PLCB1: variants seen among roughly 807,000 people sequenced by gnomAD.
The protein encoded by PLCB1 is phospholipase C beta 1.
A neutral mutation model predicts 161.8 loss-of-function variants in PLCB1; 46 were observed. The observed-to-expected ratio is 0.28, with a 90% confidence interval of 0.22 to 0.36. The LOEUF (loss-of-function observed/expected upper bound fraction) is 0.36. Among genes scored for constraint, PLCB1 ranks in the 10% least tolerant of loss-of-function variants. The pLI is 1.00. For missense variants in PLCB1, 1,016 were observed against 1,472.5 expected (o/e 0.69, Z 5.07); for synonymous variants, 517 against 503.7 (o/e 1.03, Z -0.35).
intron 1 of PLCB1, among the ~76,000 whole-genome samples, chr20:8,140,797 ATTT>A (rs2051394805): frequency 1.3e-5 from 2 of 151,790 alleles, no homozygotes; most frequent in Non-Finnish European, 2.9e-5. Flanking sequence ...AAAACTTTTT[ATTT>A]TTTTATTTTT....
intron 2 of PLCB1, among the ~76,000 whole-genome samples, chr20:8,211,156 G>T (rs1189606669): frequency 6.6e-6 from 1 of 152,054 alleles, no homozygotes; most frequent in Non-Finnish European, 1.5e-5. Flanking sequence ...CCCTTTGTTT[G>T]GTGCCCCAGA....
rs1555808428 is a variant in PLCB1, at chr20:8,457,714, G to GCGCA, written c.246+86265_246+86266insGCAC. ...CTACTTATACCCCTAATGTGTGCGC[G>GCGCA]CACACACACACACACACACACACAC... On this transcript the variant is annotated intron_variant, in intron 3 of 31. Transcript: ENST00000338037. 2.3e-3 allele frequency among the ~76,000 whole-genome samples: 333 copies of GCGCA among 145,850 alleles called. 3 individuals carry two copies. Among genetic ancestry groups the GCGCA allele is most frequent in the Middle Eastern group, 0.018 (5 of 284 alleles).
chr20:8,197,470 G>A (rs1282540748), intron 2 of PLCB1, among the ~76,000 whole-genome samples: 2 of 152,130 alleles, frequency 1.3e-5, no homozygotes, highest in Admixed American at 6.5e-5. Flanking sequence ...CTTTTGAGAG[G>A]TGTCTGTTCA....
intron 9 of PLCB1, among the ~76,000 whole-genome samples, chr20:8,663,961 A>C (rs1989748419): frequency 1.3e-5 from 2 of 152,158 alleles, no homozygotes; most frequent in Non-Finnish European, 2.9e-5. Context: ...TTAGCATGAA[A>C]AATAGAATAG....
intron 1 of PLCB1, among the ~76,000 whole-genome samples, chr20:8,143,826 G>A (rs8124468): frequency 0.19 from 28,273 of 152,144 alleles, 2,737 homozygotes; most frequent in African/African-American, 0.23. Flanking sequence ...GATTTTAGAC[G>A]TATAAAGTCA....
chr20:8,336,012 G>T (rs1237965104), intron 2 of PLCB1, among the ~76,000 whole-genome samples: 17 of 152,200 alleles, frequency 1.1e-4, no homozygotes, highest in African/African-American at 4.1e-4. Context: ...GGCTGGTAGA[G>T]CAGCAGGATC....
At chr20:8,570,208 C>T (rs551115433) in intron 3 of PLCB1, among the ~76,000 whole-genome samples, 63 of 152,282 alleles carry the variant, frequency 4.1e-4, no homozygotes, top group Non-Finnish European at 6.8e-4. Flanking sequence ...ATCTTACTAT[C>T]AGCTACAAGC....
chr20:8,616,648 T>C (rs1988047416), intron 3 of PLCB1, among the ~76,000 whole-genome samples: 1 of 152,138 alleles, frequency 6.6e-6, no homozygotes, highest in Non-Finnish European at 1.5e-5. Flanking sequence ...TAAATATTTG[T>C]TTACTGGATG....
intron 3 of PLCB1, among the ~76,000 whole-genome samples, chr20:8,515,791 G>T (rs1272115381): frequency 2.0e-5 from 3 of 152,176 alleles, no homozygotes; most frequent in Non-Finnish European, 2.9e-5. Flanking sequence ...GGGACAGCTG[G>T]GAGTGCTTAT....
chr20:8,489,524 G>T (rs1982861559), intron 3 of PLCB1, among the ~76,000 whole-genome samples: 1 of 152,080 alleles, frequency 6.6e-6, no homozygotes. Flanking sequence ...GCCTTCTTCT[G>T]ATAAATTCTT....
At chr20:8,367,619 A>G (rs1473663772) in intron 2 of PLCB1, among the ~76,000 whole-genome samples, 1 of 152,010 alleles carries the variant, frequency 6.6e-6, no homozygotes, top group Non-Finnish European at 1.5e-5. Flanking sequence ...TGCAATATAC[A>G]CTCTGTAGTC....
intron 3 of PLCB1, among the ~76,000 whole-genome samples, chr20:8,560,935 G>A (rs1986121245): frequency 6.6e-6 from 1 of 151,944 alleles, no homozygotes; most frequent in Admixed American, 6.6e-5. Context: ...AAGATAACAA[G>A]AATAAACTTG....
intron 2 of PLCB1, among the ~76,000 whole-genome samples, chr20:8,195,602 A>T (rs2052014026): frequency 6.6e-6 from 1 of 152,052 alleles, no homozygotes; most frequent in South Asian, 2.1e-4. Flanking sequence ...TAAACGAGAG[A>T]CCTAATTCAA....
chr20:8,350,129 G>C (rs1180834552), intron 2 of PLCB1, among the ~76,000 whole-genome samples: 1 of 152,166 alleles, frequency 6.6e-6, no homozygotes, highest in Non-Finnish European at 1.5e-5. Flanking sequence ...GGATGTGCAG[G>C]TTTGTTACAC....
intron 31 of PLCB1, among the ~76,000 whole-genome samples, 153 bp downstream of exon 31, chr20:8,790,414 T>C (rs1342895750): frequency 6.6e-6 from 1 of 152,160 alleles, no homozygotes; most frequent in African/African-American, 2.4e-5. Flanking sequence ...AAGGAAAAAA[T>C]ATAGCAATAT....
chr20:8,369,866 G>A (rs543237555), intron 2 of PLCB1, among the ~76,000 whole-genome samples: 124 of 152,324 alleles, frequency 8.1e-4, no homozygotes, highest in African/African-American at 2.8e-3. Context: ...GTTTGCATTC[G>A]AGGAGTGAGA....
At chr20:8,635,548 T>C (rs13040989) in intron 4 of PLCB1, among the ~76,000 whole-genome samples, 34,458 of 152,078 alleles carry the variant, frequency 0.23, 4,266 homozygotes, top group Non-Finnish European at 0.28. Flanking sequence ...GCTTCCATTT[T>C]CCTAATCTTT....
At chr20:8,808,312 G>T (rs192033218) in intron 31 of PLCB1, among the ~76,000 whole-genome samples, 4 of 152,284 alleles carry the variant, frequency 2.6e-5, no homozygotes, top group Admixed American at 2.6e-4. Context: ...GCAGACAGTG[G>T]CTTTTTGCCA....
chr20:8,415,243 GT>G (rs374114396), intron 3 of PLCB1, among the ~76,000 whole-genome samples: 96 of 152,318 alleles, frequency 6.3e-4, no homozygotes, highest in African/African-American at 2.3e-3. Flanking sequence ...TACATGGCAG[GT>G]GGAAGGGCAT....
Sources: allele counts gnomAD v4.1 joint callset (sites outside exome capture counted in the v4.1 genomes callset), GRCh38; gene constraint gnomAD v4.1.1; transcripts MANE v1.5; gene names NCBI Gene and HGNC (gene_info 2026-07-23, HGNC 2026-07-21).